Variants in KCNK13 observed in about 807,000 individuals in gnomAD.
The protein encoded by KCNK13 is potassium channel subfamily K member 13.
A neutral mutation model predicts 23.4 loss-of-function variants in KCNK13; 12 were observed. That is an observed-to-expected ratio of 0.51 (90% CI 0.33 to 0.83). The LOEUF is 0.83. Among genes scored for constraint, KCNK13 ranks in the 40% least tolerant of loss-of-function variants. The pLI is 0.02. For missense variants in KCNK13, 463 were observed against 556.3 expected (o/e 0.83, Z 1.69); for synonymous variants, 231 against 229.5 (o/e 1.01, Z -0.06).
intron 1 of KCNK13, among the ~76,000 whole-genome samples, chr14:90,138,861 G>A (rs147649876): frequency 7.8e-4 from 119 of 152,256 alleles, no homozygotes; most frequent in African/African-American, 2.8e-3. Context: ...CTGGTAAGAG[G>A]TTGCTTCTGG....
At chr14:90,178,888 G>A (rs1890454552) in intron 1 of KCNK13, among the ~76,000 whole-genome samples, 1 of 152,046 alleles carries the variant, frequency 6.6e-6, no homozygotes, top group Non-Finnish European at 1.5e-5. Context: ...AACAAATCAA[G>A]GGCATACCAA....
chr14:90,077,897 G>A (rs566158999), intron 1 of KCNK13, among the ~76,000 whole-genome samples: 2 of 152,226 alleles, frequency 1.3e-5, no homozygotes, highest in South Asian at 2.1e-4. Context: ...ACAGAATCAC[G>A]AAACCTTTCT....
At chr14:90,084,826 A>G (rs1889253571) in intron 1 of KCNK13, among the ~76,000 whole-genome samples, 1 of 152,218 alleles carries the variant, frequency 6.6e-6, no homozygotes, top group Non-Finnish European at 1.5e-5. Context: ...TTTATCACAA[A>G]GAGCTGTTAG....
In KCNK13 at chr14:90,184,528, A is replaced by G. The variant is rs772287109; in HGVS notation, c.752A>G (p.Tyr251Cys). 5.0e-6 allele frequency: 8 copies of G among 1,614,120 alleles called. No homozygotes were observed. The highest frequency in any genetic ancestry group is 1.1e-5 in the South Asian group (1 of 91,092). The change falls in exon 2 of 2, where the codon TAT (tyrosine) becomes TGT (cysteine). Residue 251 changes from tyrosine to cysteine, a missense_variant. Physicochemically the swap from Tyr to Cys is radical, Grantham distance 194. Transcript: ENST00000282146. The surrounding 1 kb of genome is among the most constrained non-coding windows in gnomAD (Gnocchi z 5.6). ...GDLVSSQNAH[Y>C]ESQGLYRFAN... ...CTGGTCAGCAGCCAGAACGCCCACT[A>G]TGAGAGCCAAGGCCTCTATCGCTTT...
At chr14:90,118,800 C>A (rs1889705323) in intron 1 of KCNK13, among the ~76,000 whole-genome samples, 1 of 152,014 alleles carries the variant, frequency 6.6e-6, no homozygotes, top group Non-Finnish European at 1.5e-5. Context: ...CAGACCTGAA[C>A]TGGAGGAAAG....
chr14:90,143,176 T>TTTCTTTCTTTCTTTC (rs3994012), intron 1 of KCNK13, among the ~76,000 whole-genome samples: 9,611 of 97,340 alleles, frequency 0.099, 469 homozygotes, highest in Admixed American at 0.15. Context: ...TCTTTCTTTC[T>TTTCTTTCTTTCTTTC]TTTCTTTTCT....
chr14:90,124,539 A>G (rs1022258310), intron 1 of KCNK13, among the ~76,000 whole-genome samples: 1 of 152,276 alleles, frequency 6.6e-6, no homozygotes, highest in Non-Finnish European at 1.5e-5. Context: ...GGCAGCCTCA[A>G]TAAGCCAGGA....
intron 1 of KCNK13, among the ~76,000 whole-genome samples, chr14:90,144,074 T>C (rs1890044821): frequency 6.6e-6 from 1 of 152,266 alleles, no homozygotes. Context: ...ATGTGCATTT[T>C]ATAATTGTCA....
rs1888960353 is a variant in KCNK13, at chr14:90,062,688, T to C, written c.334+149T>C. On this transcript the variant is annotated intron_variant, in intron 1 of 1. Transcript: ENST00000282146. This position sits in a 1 kb window ranked among gnomAD's most constrained non-coding sequence, Gnocchi z 4.5. ...GAGCTGTCGCCTGATCAACAGGTGG[T>C]ATTGCCTCCCCGCTGCTCTAATGTG... 1 of 586,724 alleles carries C rather than the reference T, an allele frequency of 1.7e-6. No individual in the cohort carries two copies. The highest frequency in any genetic ancestry group is 3.3e-5 in the East Asian group (1 of 30,344). 36.3% of individuals were successfully genotyped at this position (586,724 alleles called of 1,614,324 possible).
At chr14:90,076,384 C>T (rs980656948) in intron 1 of KCNK13, among the ~76,000 whole-genome samples, 1 of 152,172 alleles carries the variant, frequency 6.6e-6, no homozygotes, top group African/African-American at 2.4e-5. Flanking sequence ...CTCTTTTGCT[C>T]ATAAAACAGA....
chr14:90,089,219 C>G (rs1418014946), intron 1 of KCNK13, among the ~76,000 whole-genome samples: 1 of 152,160 alleles, frequency 6.6e-6, no homozygotes, highest in Non-Finnish European at 1.5e-5. Flanking sequence ...TGTTGAATAG[C>G]TTGGACAAAA....
chr14:90,070,766 G>A (rs1343127556), intron 1 of KCNK13, among the ~76,000 whole-genome samples: 1 of 152,248 alleles, frequency 6.6e-6, no homozygotes, highest in East Asian at 1.9e-4. Context: ...TGTTTCATGC[G>A]AACAATGGCA....
intron 1 of KCNK13, among the ~76,000 whole-genome samples, chr14:90,086,386 C>A (rs1010022729): frequency 5.9e-5 from 9 of 152,160 alleles, no homozygotes; most frequent in Non-Finnish European, 2.9e-5. Flanking sequence ...TTGCCCAAAG[C>A]CACACAGCTA....
At chr14:90,159,380 G>A (rs1454396401) in intron 1 of KCNK13, among the ~76,000 whole-genome samples, 1 of 152,228 alleles carries the variant, frequency 6.6e-6, no homozygotes, top group Non-Finnish European at 1.5e-5. Context: ...GGGCCTGCCT[G>A]TCCTCTCTTT....
intron 1 of KCNK13, among the ~76,000 whole-genome samples, chr14:90,119,675 C>T (rs540045606): frequency 6.6e-6 from 1 of 152,304 alleles, no homozygotes; most frequent in East Asian, 1.9e-4. Context: ...TCTTGGCTCA[C>T]TGCAAGCTCC....
At chr14:90,116,468 G>C (rs1461443377) in intron 1 of KCNK13, among the ~76,000 whole-genome samples, 1 of 152,154 alleles carries the variant, frequency 6.6e-6, no homozygotes, top group Non-Finnish European at 1.5e-5. Context: ...TCCCTGAAAA[G>C]GAAGTTCCGT....
intron 1 of KCNK13, among the ~76,000 whole-genome samples, chr14:90,086,312 G>A (rs11625501): frequency 0.14 from 20,693 of 151,976 alleles, 1,704 homozygotes; most frequent in South Asian, 0.26. Flanking sequence ...TCATCCTATG[G>A]GGTAGGACTA....
chr14:90,156,227 C>T (rs1890193580), intron 1 of KCNK13, among the ~76,000 whole-genome samples: 2 of 146,748 alleles, frequency 1.4e-5, no homozygotes, highest in African/African-American at 2.5e-5. Context: ...ACCTAAAAGA[C>T]GTCAGCATAG....
At chr14:90,082,266 T>C (rs1040243448) in intron 1 of KCNK13, among the ~76,000 whole-genome samples, 4 of 151,772 alleles carry the variant, frequency 2.6e-5, no homozygotes, top group African/African-American at 9.7e-5. Context: ...GGTTTTGTCA[T>C]GTTGGCCAGG....
Sources: allele counts gnomAD v4.1 joint callset (sites outside exome capture counted in the v4.1 genomes callset), GRCh38; gene constraint gnomAD v4.1.1; non-coding constraint Gnocchi (gnomAD v3.1); transcripts MANE v1.5; gene names NCBI Gene and HGNC (gene_info 2026-07-23, HGNC 2026-07-21).